Variants in PMS1 observed in about 807,000 individuals in gnomAD.
The protein encoded by PMS1 is PMS1 homolog 1, mismatch repair system component, also known as PMS1 protein homolog 1.
A neutral mutation model predicts 93.1 loss-of-function variants in PMS1; 79 were observed. The ratio of observed to expected loss-of-function variants is 0.85; its 90% CI spans 0.71 to 1.02. The LOEUF is 1.02. Among genes scored for constraint, PMS1 ranks in the 50% least tolerant of loss-of-function variants. The pLI, the probability that PMS1 is intolerant of heterozygous loss-of-function variation, is 0.00. For synonymous variants in PMS1, 335 were observed against 363.4 expected, an observed-to-expected ratio of 0.92 and a Z score of 0.89; for missense variants, 1,064 against 1,085.3, an observed-to-expected ratio of 0.98 and a Z score of 0.28.
intron 4 of PMS1, among the ~76,000 whole-genome samples, chr2:189,813,473 G>A (rs139968122): frequency 3.3e-5 from 5 of 152,316 alleles, no homozygotes; most frequent in Non-Finnish European, 7.4e-5. Flanking sequence ...GAAACAGATT[G>A]TGGCTTATAA....
In PMS1 at chr2:189,863,911, A is replaced by G. The variant is rs2056303411; in HGVS notation, c.2025A>G (p.Gln675=). ...AGTTAAAAACCTCATTATCTAATCA[A>G]CCAAAACTTGATGAACTCCTTCAGT... The part of the protein sequence containing the change: ...KHKLKTSLSN[Q]PKLDELLQSQ... Residue 675 remains glutamine, a synonymous_variant, in exon 10 of 13, where the codon CAA becomes CAG. Transcript: ENST00000441310. The G allele has an allele frequency of 6.2e-7, 1 of 1,613,678 alleles. No homozygotes were observed. The highest frequency in any genetic ancestry group is 8.5e-7 in the Non-Finnish European group (1 of 1,179,794).
At chr2:189,839,219 G>C (rs1261155844) in intron 5 of PMS1, among the ~76,000 whole-genome samples, 2 of 152,134 alleles carry the variant, frequency 1.3e-5, no homozygotes, top group Non-Finnish European at 2.9e-5. Flanking sequence ...TTGAACTCCT[G>C]ACCTCAAGTG....
At chr2:189,789,617 A>G (rs1360499945) in intron 1 of PMS1, among the ~76,000 whole-genome samples, 2 of 152,046 alleles carry the variant, frequency 1.3e-5, no homozygotes, top group Non-Finnish European at 2.9e-5. Flanking sequence ...TTCCTACTCA[A>G]TTACTGAGTC....
At chr2:189,873,849 A>AT (rs1347699942) in intron 12 of PMS1, among the ~76,000 whole-genome samples, 193 bp downstream of exon 12, 9 of 152,134 alleles carry the variant, frequency 5.9e-5, no homozygotes, top group Non-Finnish European at 1.3e-4. Flanking sequence ...TGAACTGTGT[A>AT]TGCGAGGGAT....
At chr2:189,788,070 G>T (rs999406600) in intron 1 of PMS1, among the ~76,000 whole-genome samples, 2 of 151,874 alleles carry the variant, frequency 1.3e-5, no homozygotes, top group African/African-American at 4.9e-5. Flanking sequence ...AAAAAAAAAA[G>T]ATCTTGGATT....
At chr2:189,835,956 G>GAA (rs146781457) in intron 5 of PMS1, among the ~76,000 whole-genome samples, 11 of 145,490 alleles carry the variant, frequency 7.6e-5, no homozygotes, top group Non-Finnish European at 1.4e-4. Flanking sequence ...TTGTTTGGTG[G>GAA]AAAAAAAAAA....
chr2:189,860,469 A>G (rs996457920), intron 9 of PMS1, among the ~76,000 whole-genome samples: 1 of 152,100 alleles, frequency 6.6e-6, no homozygotes, highest in Non-Finnish European at 1.5e-5. Context: ...AATTTGTTTA[A>G]TCAGTCTCCA....
intron 9 of PMS1, among the ~76,000 whole-genome samples, chr2:189,861,816 C>T (rs769430064): frequency 8.7e-5 from 13 of 149,704 alleles, no homozygotes; most frequent in South Asian, 2.1e-4. Flanking sequence ...ATTATTTTTG[C>T]GGTTTCCTAT....
At chr2:189,876,886 C>T (rs1441389383) in intron 12 of PMS1, among the ~76,000 whole-genome samples, 1 of 150,260 alleles carries the variant, frequency 6.7e-6, no homozygotes, top group Non-Finnish European at 1.5e-5. Flanking sequence ...GTTGAGATTA[C>T]AGGCCTGAGC....
intron 6 of PMS1, among the ~76,000 whole-genome samples, chr2:189,851,857 A>T (rs142576720): frequency 6.6e-6 from 1 of 152,186 alleles, no homozygotes; most frequent in African/African-American, 2.4e-5. Context: ...AACCTTGTCA[A>T]TCTGGCTCTG....
chr2:189,827,954 T>C (rs932049559), intron 5 of PMS1, among the ~76,000 whole-genome samples: 25 of 150,856 alleles, frequency 1.7e-4, no homozygotes, highest in Admixed American at 2.6e-4. Context: ...GACAGAGTCT[T>C]GCTCTGTCAC....
intron 4 of PMS1, among the ~76,000 whole-genome samples, chr2:189,815,482 C>T (rs1432520230): frequency 1.3e-5 from 2 of 152,176 alleles, no homozygotes; most frequent in African/African-American, 4.8e-5. Flanking sequence ...AGTGAGTTCT[C>T]ACGAGATCCA....
At chr2:189,867,221 T>G (rs2056742993) in intron 10 of PMS1, among the ~76,000 whole-genome samples, 1 of 152,126 alleles carries the variant, frequency 6.6e-6, no homozygotes, top group African/African-American at 2.4e-5. Flanking sequence ...CTAAAACCAA[T>G]ATGTGTGGTT....
rs944198335 is a variant in PMS1, at chr2:189,800,771, A to G, written c.315+4820A>G. On this transcript the variant is annotated intron_variant, in intron 3 of 12. Transcript: ENST00000441310. ...TCAGTGGATCGATATGTAATTGGGC[A>G]CACTATTAAACAGCCATCACCTATA... 2.0e-5 allele frequency among the ~76,000 whole-genome samples: 3 copies of G among 152,322 alleles called. No homozygotes were observed. The South Asian group carries it at 6.2e-4, about 32-fold the overall frequency.
chr2:189,855,223 A>T (rs1238604487), intron 9 of PMS1, 95 bp downstream of exon 9: 1 of 1,027,760 alleles, frequency 9.7e-7, no homozygotes, highest in South Asian at 1.4e-5. Context: ...CTTCTTATTT[A>T]TGGAAAAGCA....
At chr2:189,812,684 A>G (rs1271693592) in intron 4 of PMS1, among the ~76,000 whole-genome samples, 1 of 152,256 alleles carries the variant, frequency 6.6e-6, no homozygotes, top group Non-Finnish European at 1.5e-5. Context: ...ATTGTGAAAT[A>G]TAATTTATTT....
intron 2 of PMS1, among the ~76,000 whole-genome samples, chr2:189,794,711 AG>A (rs1280636747): frequency 1.3e-5 from 2 of 152,196 alleles, no homozygotes; most frequent in East Asian, 3.8e-4. Context: ...GTTCATAGAA[AG>A]TATGATCACT....
At chr2:189,798,680 T>C (rs565682177) in intron 3 of PMS1, among the ~76,000 whole-genome samples, 2 of 152,032 alleles carry the variant, frequency 1.3e-5, no homozygotes, top group African/African-American at 4.8e-5. Context: ...AACCTCTGAA[T>C]CTGCCAGTAC....
At chr2:189,859,628 TC>T (rs1271788867) in intron 9 of PMS1, among the ~76,000 whole-genome samples, 1 of 152,192 alleles carries the variant, frequency 6.6e-6, no homozygotes, top group African/African-American at 2.4e-5. Flanking sequence ...TTCATTTTTC[TC>T]ATATTGTTGA....
Sources: allele counts gnomAD v4.1 joint callset (sites outside exome capture counted in the v4.1 genomes callset), GRCh38; gene constraint gnomAD v4.1.1; transcripts MANE v1.5; gene names NCBI Gene and HGNC (gene_info 2026-07-23, HGNC 2026-07-21).